Variants in IGSF21 observed in about 807,000 individuals in gnomAD.
IGSF21 encodes immunoglobulin superfamily member 21.
In IGSF21, 28 loss-of-function variants were observed where a neutral mutation model predicts 46.8. That is an observed-to-expected ratio of 0.60 (90% CI 0.44 to 0.82). IGSF21 has a LOEUF of 0.82. Ranked by LOEUF, IGSF21 falls within the 40% of genes least tolerant of loss-of-function variation. The pLI, the probability that IGSF21 is intolerant of heterozygous loss-of-function variation, is 0.00. For synonymous variants in IGSF21, 284 were observed against 273.6 expected (o/e 1.04, Z -0.38); for missense variants, 624 against 665.5 (o/e 0.94, Z 0.69).
intron 1 of IGSF21, among the ~76,000 whole-genome samples, chr1:18,120,400 C>T (rs2086224823): frequency 1.3e-5 from 2 of 152,140 alleles, no homozygotes; most frequent in Admixed American, 6.5e-5. Context: ...CTTGATGGTG[C>T]CACCCATTGA....
intron 1 of IGSF21, among the ~76,000 whole-genome samples, chr1:18,164,680 A>G (rs1389249811): frequency 1.3e-5 from 2 of 151,936 alleles, no homozygotes; most frequent in East Asian, 3.9e-4. Context: ...CTTCGCGATT[A>G]TCTTTCATAC....
At chr1:18,354,762 T>C (rs969561056) in intron 4 of IGSF21, among the ~76,000 whole-genome samples, 29 of 152,300 alleles carry the variant, frequency 1.9e-4, no homozygotes, top group Middle Eastern at 6.8e-3. Flanking sequence ...TGGTTACTCC[T>C]GGGAGGGAAA....
rs146523309 is a variant in IGSF21, at chr1:18,337,893, G to T, written c.424+2883G>T. 3.1e-3 allele frequency among the ~76,000 whole-genome samples: 465 copies of T among 152,294 alleles called. No homozygotes were observed. Among genetic ancestry groups the T allele is most frequent in the African/African-American group, 0.011 (449 of 41,556 alleles). On this transcript the variant is annotated intron_variant, in intron 4 of 9. Coordinates refer to ENST00000251296, the MANE Select transcript of IGSF21 (RefSeq NM_032880.5). The surrounding 1 kb of genome is among the most constrained non-coding windows in gnomAD (Gnocchi z 5.7). ...GAGACCCAGGGAAGGGAATGAATTT[G>T]CTCCAGGCCTTATAGGGTGGGGGTT...
chr1:18,131,890 G>C (rs2086324989), intron 1 of IGSF21, among the ~76,000 whole-genome samples: 2 of 152,208 alleles, frequency 1.3e-5, no homozygotes, highest in Admixed American at 1.3e-4. Context: ...AGGAGAGACT[G>C]GGAAATGTAT....
intron 1 of IGSF21, among the ~76,000 whole-genome samples, chr1:18,211,920 G>A (rs922272623): frequency 4.6e-5 from 7 of 152,228 alleles, no homozygotes; most frequent in African/African-American, 1.7e-4. Flanking sequence ...AGTGCAGAAA[G>A]CGAAACAGCA....
At chr1:18,313,655 C>G (rs1474775670) in intron 3 of IGSF21, among the ~76,000 whole-genome samples, 1 of 152,174 alleles carries the variant, frequency 6.6e-6, no homozygotes, top group Non-Finnish European at 1.5e-5. Flanking sequence ...GCAATTCTGC[C>G]TCTGGTTACA....
intron 3 of IGSF21, among the ~76,000 whole-genome samples, chr1:18,309,998 G>T (rs996043461): frequency 2.6e-5 from 4 of 152,152 alleles, no homozygotes; most frequent in Admixed American, 6.5e-5. Context: ...GATGGGCCAA[G>T]GGGGCTCTGG....
intron 2 of IGSF21, among the ~76,000 whole-genome samples, chr1:18,267,189 G>A (rs189092167): frequency 1.5e-3 from 234 of 152,312 alleles, no homozygotes; most frequent in Middle Eastern, 6.8e-3. Context: ...ACTGATATAA[G>A]CAGAAAATAA....
chr1:18,184,718 G>C (rs1004081348), intron 1 of IGSF21, among the ~76,000 whole-genome samples: 1 of 152,096 alleles, frequency 6.6e-6, no homozygotes, highest in Non-Finnish European at 1.5e-5. Flanking sequence ...AGGAATGGGT[G>C]GTTGATGACG....
chr1:18,112,987 C>T (rs1570235295), intron 1 of IGSF21: 1 of 152,196 alleles, frequency 6.6e-6, no homozygotes, highest in East Asian at 1.9e-4. Flanking sequence ...CTGTTCCCTT[C>T]CTCTCTTTTT....
chr1:18,336,800 A>G (rs1219241032), intron 4 of IGSF21, among the ~76,000 whole-genome samples: 1 of 152,154 alleles, frequency 6.6e-6, no homozygotes, highest in Non-Finnish European at 1.5e-5. Flanking sequence ...GCAATTTGCA[A>G]AAGAAAGAGG....
At chr1:18,242,815 C>T (rs1026690446) in intron 2 of IGSF21, among the ~76,000 whole-genome samples, 1 of 152,222 alleles carries the variant, frequency 6.6e-6, no homozygotes, top group Non-Finnish European at 1.5e-5. Context: ...AGAGAACTAA[C>T]ACCTGCAGAA....
intron 9 of IGSF21, 86 bp downstream of exon 9, chr1:18,377,517 T>C: frequency 9.6e-7 from 1 of 1,040,112 alleles, no homozygotes; most frequent in South Asian, 1.3e-5. Flanking sequence ...ACTTCCCATA[T>C]GCACACCCTT....
intron 3 of IGSF21, among the ~76,000 whole-genome samples, chr1:18,323,708 T>C (rs2085628568): frequency 6.6e-6 from 1 of 151,992 alleles, no homozygotes; most frequent in Non-Finnish European, 1.5e-5. Context: ...CTGGAACTTC[T>C]CCCCTCTGTG....
intron 1 of IGSF21, among the ~76,000 whole-genome samples, chr1:18,132,724 C>T (rs553354271): frequency 1.3e-5 from 2 of 152,246 alleles, no homozygotes; most frequent in East Asian, 3.9e-4. Flanking sequence ...GCTCATGGGT[C>T]CCTTGGTGGG....
At chr1:18,321,179 C>A (rs1378477588) in intron 3 of IGSF21, among the ~76,000 whole-genome samples, 1 of 152,188 alleles carries the variant, frequency 6.6e-6, no homozygotes, top group East Asian at 1.9e-4. Context: ...CCAGGGAAAA[C>A]ATGGTCCCTG....
chr1:18,201,570 A>T (rs2087075178), intron 1 of IGSF21, among the ~76,000 whole-genome samples: 1 of 152,112 alleles, frequency 6.6e-6, no homozygotes, highest in Non-Finnish European at 1.5e-5. Flanking sequence ...CCTGGTCCTG[A>T]TTCCTCCTTC....
chr1:18,166,581 C>T (rs908878500), intron 1 of IGSF21, among the ~76,000 whole-genome samples: 1 of 152,224 alleles, frequency 6.6e-6, no homozygotes, highest in Non-Finnish European at 1.5e-5. Context: ...GTGTCTGGCC[C>T]GTCACCAGGG....
chr1:18,377,021 G>A (rs1290819405), intron 8 of IGSF21, 29 bp downstream of exon 8: 1 of 1,568,748 alleles, frequency 6.4e-7, no homozygotes, highest in South Asian at 1.2e-5. Flanking sequence ...GGGACTGGGA[G>A]AACAACCACA....
Sources: allele counts gnomAD v4.1 joint callset (sites outside exome capture counted in the v4.1 genomes callset), GRCh38; gene constraint gnomAD v4.1.1; non-coding constraint Gnocchi (gnomAD v3.1); transcripts MANE v1.5; gene names NCBI Gene and HGNC (gene_info 2026-07-23, HGNC 2026-07-21).